MCTP1: variants seen among roughly 807,000 people sequenced by gnomAD.
MCTP1 encodes the protein multiple C2 and transmembrane domain-containing protein 1.
MCTP1 carries 69 observed loss-of-function variants against 120.6 expected under a neutral mutation model. The ratio of observed to expected loss-of-function variants is 0.57; its 90% CI spans 0.47 to 0.70. The LOEUF (loss-of-function observed/expected upper bound fraction) is 0.70. MCTP1 is among the 30% of genes least tolerant of loss of function. MCTP1 has a pLI of 0.00. For synonymous variants in MCTP1, 529 were observed against 493.1 expected (o/e 1.07, Z -0.96); for missense variants, 1,203 against 1,248.8 (o/e 0.96, Z 0.55).
At chr5:94,772,991 C>T (rs992654173) in intron 19 of MCTP1, among the ~76,000 whole-genome samples, 4 of 152,062 alleles carry the variant, frequency 2.6e-5, no homozygotes, top group African/African-American at 4.8e-5. Context: ...TCTTGGGTAC[C>T]CTCCAGTTGT....
At chr5:94,822,415 T>G (rs1321394685) in intron 17 of MCTP1, among the ~76,000 whole-genome samples, 1 of 152,226 alleles carries the variant, frequency 6.6e-6, no homozygotes, top group Admixed American at 6.5e-5. Context: ...CTGCATAATA[T>G]TCCATGGTGT....
intron 19 of MCTP1, among the ~76,000 whole-genome samples, chr5:94,765,114 T>C (rs551020579): frequency 6.6e-6 from 1 of 151,948 alleles, no homozygotes. Context: ...TGTATAAATA[T>C]ATGGAAAGGA....
intron 1 of MCTP1, among the ~76,000 whole-genome samples, chr5:95,192,394 A>C (rs1344222221): frequency 6.6e-6 from 1 of 152,010 alleles, no homozygotes; most frequent in Non-Finnish European, 1.5e-5. Flanking sequence ...TGAGAGTCAA[A>C]CAAACCAGCT....
At chr5:94,892,491 T>C (rs1802908584) in intron 11 of MCTP1, among the ~76,000 whole-genome samples, 1 of 152,092 alleles carries the variant, frequency 6.6e-6, no homozygotes, top group Non-Finnish European at 1.5e-5. Context: ...CTATTGACCT[T>C]CCCTCATTTC....
intron 1 of MCTP1, among the ~76,000 whole-genome samples, chr5:95,072,784 C>T (rs1423042141): frequency 4.3e-5 from 5 of 116,430 alleles, no homozygotes; most frequent in African/African-American, 1.3e-4. Flanking sequence ...CTCGCTCTGT[C>T]GCCCAGGCTG....
At chr5:95,036,861 A>G (rs1259853569) in intron 1 of MCTP1, among the ~76,000 whole-genome samples, 1 of 151,538 alleles carries the variant, frequency 6.6e-6, no homozygotes, top group African/African-American at 2.4e-5. Flanking sequence ...AACCTCGCAC[A>G]CTCCTTCCCA....
intron 3 of MCTP1, among the ~76,000 whole-genome samples, chr5:94,949,793 A>G (rs1820026857): frequency 6.6e-6 from 1 of 152,204 alleles, no homozygotes; most frequent in Non-Finnish European, 1.5e-5. Flanking sequence ...CAGTCACTAC[A>G]GAATTGATTA....
rs187012758 is a variant in MCTP1, at chr5:94,876,820, C to T, written c.1934-3579G>A. 2.3e-4 allele frequency among the ~76,000 whole-genome samples: 35 copies of T among 152,012 alleles called. No individual in the cohort carries two copies. In the East Asian group the frequency reaches 5.0e-3, roughly 22 times the overall value. ...AGGAAATCAGCGTTCCTTGAGGACA[C>T]GGCAATTTTCCATGTTGACAATTTT... On this transcript the variant is annotated intron_variant, in intron 12 of 22. Coordinates refer to ENST00000515393, the MANE Select transcript of MCTP1 (RefSeq NM_024717.7).
intron 19 of MCTP1, among the ~76,000 whole-genome samples, chr5:94,757,168 C>T (rs1401914593): frequency 2.0e-5 from 3 of 152,146 alleles, no homozygotes; most frequent in Admixed American, 1.3e-4. Flanking sequence ...TAATTCCATG[C>T]ACATGGGCGT....
intron 1 of MCTP1, among the ~76,000 whole-genome samples, chr5:95,106,362 G>A (rs1324735319): frequency 6.6e-6 from 1 of 152,204 alleles, no homozygotes; most frequent in Non-Finnish European, 1.5e-5. Context: ...GCTGCTGGTG[G>A]TCGTCTTTGC....
chr5:94,829,433 C>T (rs1009579287), intron 17 of MCTP1, among the ~76,000 whole-genome samples: 2 of 152,154 alleles, frequency 1.3e-5, no homozygotes, highest in African/African-American at 4.8e-5. Flanking sequence ...CCCAGATATC[C>T]GTTTTAAATT....
At chr5:94,794,398 T>G (rs1779587747) in intron 18 of MCTP1, among the ~76,000 whole-genome samples, 1 of 152,224 alleles carries the variant, frequency 6.6e-6, no homozygotes, top group African/African-American at 2.4e-5. Flanking sequence ...CAGGGGCACC[T>G]GGGATAGAAC....
intron 20 of MCTP1, among the ~76,000 whole-genome samples, chr5:94,712,576 C>T (rs1757453214): frequency 6.6e-6 from 1 of 151,958 alleles, no homozygotes. Context: ...AAATTGTTTC[C>T]TAAAATTTTT....
chr5:95,067,274 G>A (rs1451043561), intron 1 of MCTP1, among the ~76,000 whole-genome samples: 1 of 152,204 alleles, frequency 6.6e-6, no homozygotes, highest in Non-Finnish European at 1.5e-5. Context: ...ATATCGAAAG[G>A]AGGGGATTTT....
chr5:94,855,494 G>C (rs1794559452), intron 17 of MCTP1, among the ~76,000 whole-genome samples: 1 of 151,800 alleles, frequency 6.6e-6, no homozygotes, highest in Non-Finnish European at 1.5e-5. Flanking sequence ...GCTGTGGTAG[G>C]TAACTTCAGT....
intron 20 of MCTP1, among the ~76,000 whole-genome samples, chr5:94,714,449 T>C (rs1191719446): frequency 7.3e-6 from 1 of 137,234 alleles, no homozygotes; most frequent in Non-Finnish European, 1.7e-5. Context: ...GCTTGGTTTA[T>C]TTTTTTCCTA....
At chr5:94,875,107 A>G (rs1798558480) in intron 12 of MCTP1, among the ~76,000 whole-genome samples, 1 of 152,202 alleles carries the variant, frequency 6.6e-6, no homozygotes, top group Non-Finnish European at 1.5e-5. Context: ...CAGACAAGAA[A>G]TACATTTTAT....
At chr5:94,875,614 A>G (rs1027907236) in intron 12 of MCTP1, among the ~76,000 whole-genome samples, 2 of 152,084 alleles carry the variant, frequency 1.3e-5, no homozygotes, top group Non-Finnish European at 2.9e-5. Context: ...AGGTGGTGGA[A>G]CGTGGTTAGA....
Position 95,123,896 on chromosome 5 carries a change from G to C in MCTP1, c.721-106412C>G, listed in dbSNP as rs534896149. ...GATCTCCTGACCTCATGATCCGCCC[G>C]CCTCGGCCTCTCAAAGTGCTAGGAT... On this transcript the variant is annotated intron_variant, in intron 1 of 22. Transcript: ENST00000515393. Among the ~76,000 whole-genome samples the C allele has an allele frequency of 3.9e-5, 6 of 152,148 alleles. No homozygotes were observed. In the East Asian group the frequency reaches 1.2e-3, roughly 29 times the overall value.
Sources: allele counts gnomAD v4.1 joint callset (sites outside exome capture counted in the v4.1 genomes callset), GRCh38; gene constraint gnomAD v4.1.1; transcripts MANE v1.5; gene names NCBI Gene and HGNC (gene_info 2026-07-23, HGNC 2026-07-21).